The following PPM1H variants were observed in gnomAD, a reference collection of about 807,000 sequenced individuals.
The protein encoded by PPM1H is protein phosphatase, Mg2+/Mn2+ dependent 1H, also known as protein phosphatase 1H.
In PPM1H, 27 loss-of-function variants were observed where a neutral mutation model predicts 54.9. The observed-to-expected ratio is 0.49, with a 90% CI of 0.36 to 0.68. The LOEUF (loss-of-function observed/expected upper bound fraction) is 0.68, where lower values mean the gene tolerates loss of function less well. PPM1H is among the 30% of genes least tolerant of loss of function. PPM1H has a pLI of 0.00. For missense variants in PPM1H, 596 were observed against 667.8 expected (o/e 0.89, Z 1.19); for synonymous variants, 305 against 270.8 (o/e 1.13, Z -1.24).
At chr12:62,649,852 C>T (rs1217766549) in intron 9 of PPM1H, among the ~76,000 whole-genome samples, 1 of 152,184 alleles carries the variant, frequency 6.6e-6, no homozygotes, top group East Asian at 1.9e-4. Flanking sequence ...GATAATGAAT[C>T]TCTTTTCTGT....
intron 1 of PPM1H, among the ~76,000 whole-genome samples, chr12:62,900,346 T>C (rs932142951): frequency 2.6e-5 from 4 of 151,580 alleles, no homozygotes; most frequent in South Asian, 2.1e-4. Context: ...ACATGAACCC[T>C]TGGACACAGG....
rs191565558 is a variant in PPM1H at position 62,799,135 on chromosome 12, C to T, written c.756+2681G>A. ...TTGTTTTTGCTGGTGACTAAGTTTC[C>T]AAGAAAAATTTGAGGTAATGAATTG... On this transcript the variant is annotated intron_variant, in intron 3 of 9. Coordinates refer to ENST00000228705, the MANE Select transcript of PPM1H (RefSeq NM_020700.2). Among the ~76,000 whole-genome samples, 16 of 152,178 alleles carry T rather than the reference C, an allele frequency of 1.1e-4. No homozygotes were observed. In the East Asian group the frequency reaches 3.1e-3, roughly 29 times the overall value.
At position 62,878,263 on chromosome 12, in the gene PPM1H, T is replaced by A. The variant is rs150077833; in HGVS notation, c.246-45984A>T. ...TGTTCTCAATGCCTGTTTCTATTTT[T>A]AAAATGTTACCTATACTGAAAAGGA... is the stretch of plus-strand genomic sequence containing the variant. On this transcript the variant is annotated intron_variant, in intron 1 of 9. Transcript: ENST00000228705. Among the ~76,000 whole-genome samples, 10 of 152,294 alleles carry A rather than the reference T, an allele frequency of 6.6e-5. No individual in the cohort carries two copies. In the East Asian group the frequency reaches 1.9e-3, roughly 29 times the overall value.
chr12:62,752,419 T>A (rs1240943792), intron 4 of PPM1H, among the ~76,000 whole-genome samples: 1 of 152,206 alleles, frequency 6.6e-6, no homozygotes, highest in Non-Finnish European at 1.5e-5. Flanking sequence ...TCACATTTTA[T>A]CATTAAATAA....
chr12:62,891,771 A>G (rs1157375780), intron 1 of PPM1H, among the ~76,000 whole-genome samples: 2 of 152,204 alleles, frequency 1.3e-5, no homozygotes, highest in African/African-American at 4.8e-5. Flanking sequence ...GTGGATCACT[A>G]TACTCTTCAG....
At chr12:62,733,336 C>A (rs1253982694) in intron 5 of PPM1H, among the ~76,000 whole-genome samples, 1 of 152,096 alleles carries the variant, frequency 6.6e-6, no homozygotes, top group African/African-American at 2.4e-5. Flanking sequence ...CTTACTGCAA[C>A]CTCCGCCTCC....
chr12:62,908,412 A>AG, intron 1 of PPM1H, among the ~76,000 whole-genome samples: 1 of 148,322 alleles, frequency 6.7e-6, no homozygotes, highest in Non-Finnish European at 1.5e-5. Flanking sequence ...CGTCTCAAAA[A>AG]AAAAAAAAAA....
At chr12:62,907,732 A>C (rs1871342011) in intron 1 of PPM1H, among the ~76,000 whole-genome samples, 1 of 152,186 alleles carries the variant, frequency 6.6e-6, no homozygotes, top group Non-Finnish European at 1.5e-5. Context: ...AGAGGAACTC[A>C]TCCTAAGTTT....
At chr12:62,680,325 CTCTTTCTTTCTGTT>C (rs1220245751) in intron 8 of PPM1H, among the ~76,000 whole-genome samples, 89 of 146,636 alleles carry the variant, frequency 6.1e-4, no homozygotes, top group African/African-American at 2.0e-3. Flanking sequence ...TTCTCTCTCT[CTCTTTCTTTCTGTT>C]TCTTTCTTTC....
intron 4 of PPM1H, among the ~76,000 whole-genome samples, chr12:62,781,487 C>T (rs2076641998): frequency 6.6e-6 from 1 of 151,488 alleles, no homozygotes; most frequent in South Asian, 2.1e-4. Flanking sequence ...CCAGGAACAG[C>T]TAAAATGTTT....
chr12:62,891,116 A>AC (rs1870781367), intron 1 of PPM1H, among the ~76,000 whole-genome samples: 1 of 151,724 alleles, frequency 6.6e-6, no homozygotes, highest in African/African-American at 2.4e-5. Context: ...AAAAAAAAAA[A>AC]AAAAAAAAAG....
At chr12:62,928,645 TTAAGCAAGAATCCTGTTAAGTCAGG>T (rs1161581081) in intron 1 of PPM1H, among the ~76,000 whole-genome samples, 2 of 152,224 alleles carry the variant, frequency 1.3e-5, no homozygotes, top group Admixed American at 6.5e-5. Context: ...ATCCTGTTCC[TTAAGCAAGAATCCTGTTAAGTCAGG>T]TTAGCAAGAA....
chr12:62,715,262 G>A (rs1290114751), intron 6 of PPM1H, among the ~76,000 whole-genome samples: 2 of 152,210 alleles, frequency 1.3e-5, no homozygotes, highest in Admixed American at 6.5e-5. Context: ...AAGGGATGGG[G>A]AGGATGGGCC....
At chr12:62,687,009 G>T (rs564275359) in intron 8 of PPM1H, among the ~76,000 whole-genome samples, 2 of 152,312 alleles carry the variant, frequency 1.3e-5, no homozygotes, top group South Asian at 4.1e-4. Context: ...AGTCACTTTA[G>T]TCTGATATAA....
chr12:62,928,510 TAA>T lies in PPM1H; in HGVS notation c.245+5980_245+5981del, dbSNP rs1565832054. On this transcript the variant is annotated intron_variant, in intron 1 of 9. Transcript: ENST00000228705. ...GATAAGTCAGAATGAAAATCACAGT[TAA>T]ATAACTGCAGTCCCACCTACTCTCT... is the stretch of plus-strand genomic sequence containing the variant. Among the ~76,000 whole-genome samples, 5 of 152,172 alleles carry T rather than the reference TAA, an allele frequency of 3.3e-5. No individual in the cohort carries two copies. The East Asian group carries it at 9.6e-4, about 29-fold the overall frequency.
rs1288908664 is a variant in PPM1H at position 62,838,348 on chromosome 12, GA to G, written c.246-6070del. On this transcript the variant is annotated intron_variant, in intron 1 of 9. Coordinates refer to ENST00000228705, the MANE Select transcript of PPM1H (RefSeq NM_020700.2). ...CAGTGTGTGTGTGTGTGGGGGGGGG[GA>G]GATGAATAACTTATGGAAGACCAAA... 3.9e-3 allele frequency among the ~76,000 whole-genome samples: 535 copies of G among 136,310 alleles called. 7 individuals are homozygous for G. The highest frequency in any genetic ancestry group is 0.014 in the African/African-American group (513 of 36,768). The allele number at this position is 136,310 out of a possible 152,430, so 89.4% of individuals were successfully genotyped here. A position where few individuals can be genotyped will look rare whatever the true frequency, so the allele number is the denominator to read the frequency against.
intron 9 of PPM1H, chr12:62,659,275 A>AAAAAAAAAAAAAAAAAAAC (rs2075867765): frequency 2.1e-6 from 1 of 486,136 alleles, no homozygotes; most frequent in Non-Finnish European, 3.7e-6. Flanking sequence ...ACTGCAAAAA[A>AAAAAAAAAAAAAAAAAAAC]AAAAAAAAAA....
chr12:62,841,470 A>G (rs910046676), intron 1 of PPM1H, among the ~76,000 whole-genome samples: 2 of 152,208 alleles, frequency 1.3e-5, no homozygotes, highest in Non-Finnish European at 2.9e-5. Flanking sequence ...ATAATGGCAG[A>G]GTTATTAGTA....
intron 5 of PPM1H, among the ~76,000 whole-genome samples, chr12:62,734,991 C>T (rs1016869667): frequency 3.9e-5 from 6 of 152,072 alleles, no homozygotes; most frequent in Admixed American, 6.5e-5. Context: ...CCACAGTGAG[C>T]CATGGTTGTG....
Sources: allele counts gnomAD v4.1 joint callset (sites outside exome capture counted in the v4.1 genomes callset), GRCh38; gene constraint gnomAD v4.1.1; transcripts MANE v1.5; gene names NCBI Gene and HGNC (gene_info 2026-07-23, HGNC 2026-07-21).